SPTBN5: variants seen among roughly 807,000 people sequenced by gnomAD.
SPTBN5 encodes the protein spectrin beta, non-erythrocytic 5.
Under a neutral mutation model 477.6 loss-of-function variants are expected in SPTBN5, and 513 were observed. That is an observed-to-expected ratio of 1.07 (90% CI 1.00 to 1.16). The LOEUF (loss-of-function observed/expected upper bound fraction) is 1.16, where lower values mean the gene tolerates loss of function less well. SPTBN5 is among the 50% of genes most tolerant of loss of function. The pLI is 0.00. For synonymous variants in SPTBN5, 2,169 were observed against 2,011.7 expected (o/e 1.08, Z -2.09); for missense variants, 5,062 against 4,731.8 (o/e 1.07, Z -2.05).
At chr15:41,877,687 G>C (rs942206367) in intron 17 of SPTBN5, among the ~76,000 whole-genome samples, 6 of 152,264 alleles carry the variant, frequency 3.9e-5, no homozygotes, top group African/African-American at 1.4e-4. Flanking sequence ...CAGAAAAGGT[G>C]CTCCTTTCAG....
Position 41,853,393 on chromosome 15 carries a change from G to A in SPTBN5, c.10035C>T (p.Asp3345=), listed in dbSNP as rs376144282. The A allele has an allele frequency of 1.7e-5, 28 of 1,607,258 alleles. No individual in the cohort carries two copies. The highest frequency in any genetic ancestry group is 1.7e-4 in the Middle Eastern group (1 of 6,060). ...CAAGGAGCTGCTCAGCCCCCGCCAC[G>A]TCCTCAGCCAGCTCCTCGGAGGACG... ...ELASSEELAE[D]VAGAEQLLGQ... The change falls in exon 59 of 68, where the codon GAC becomes GAT. Residue 3345 remains aspartate (D), a synonymous_variant. Transcript: ENST00000320955.
In SPTBN5 at chr15:41,876,798, G is replaced by T; in HGVS notation, c.3851+11C>A. On this transcript the variant is annotated intron_variant, in intron 19 of 67. Coordinates refer to ENST00000320955, the MANE Select transcript of SPTBN5 (RefSeq NM_016642.4). ...TCATCTGCAGGTGCTGCAGACTGAG[G>T]CCAGGCTCACGTGTGTGCAGCTGGG... 1 of 1,609,724 alleles carries T rather than the reference G, an allele frequency of 6.2e-7. No homozygotes were observed.
chr15:41,883,144 C>A lies in SPTBN5; in HGVS notation c.1744G>T (p.Val582Phe). The A allele has an allele frequency of 6.2e-7, 1 of 1,612,808 alleles. No individual in the cohort carries two copies. The highest frequency in any genetic ancestry group is 8.5e-7 in the Non-Finnish European group (1 of 1,179,778). ...CTCACATGGGCTCCGTGGGCCGAGA[C>A]TTGAGCCTCCAGCAGGTCATGCCTC... ...LQRHDLLEAQ[V>F]SAHGAHVSHL... The change falls in exon 9 of 68, where the codon GTC becomes TTC. Residue 582 changes from valine to phenylalanine, a missense_variant. Physicochemically the swap from Val to Phe is conservative, Grantham distance 50 (BLOSUM62 -1). Transcript: ENST00000320955.
In SPTBN5 at chr15:41,861,436, C is replaced by T. The variant is rs1276899243; in HGVS notation, c.7798G>A (p.Ala2600Thr). The T allele has an allele frequency of 6.2e-7, 1 of 1,613,352 alleles. No homozygotes were observed. Among genetic ancestry groups the T allele is most frequent in the Admixed American group, 1.7e-5 (1 of 60,012 alleles). ...GCACCTACCCATAGACCCTCACTGGCTAGGGAGTCTTCCTTGCTGCAAAGC... is the reference window on the plus strand; with the variant it reads ...GCACCTACCCATAGACCCTCACTGGTTAGGGAGTCTTCCTTGCTGCAAAGC... ...RWLCSKEDSL[A>T]SEGLWDPLAP... Residue 2600 changes from alanine to threonine, a missense_variant, in exon 46 of 68, where the codon GCC (alanine) becomes ACC (threonine). Physicochemically the swap from Ala to Thr is moderately conservative, Grantham distance 58. Coordinates refer to ENST00000320955, the MANE Select transcript of SPTBN5 (RefSeq NM_016642.4).
intron 66 of SPTBN5, chr15:41,850,526 C>A (rs1462810052): frequency 2.9e-6 from 1 of 344,942 alleles, no homozygotes; most frequent in Non-Finnish European, 5.3e-6. Flanking sequence ...GCCTGGAAAG[C>A]CCTTGGAGGA....
At chr15:41,848,776 G>A (rs953922219) in intron 67 of SPTBN5, 148 bp from the exon 68 acceptor site, 28 of 947,762 alleles carry the variant, frequency 3.0e-5, no homozygotes, top group African/African-American at 1.9e-4. Flanking sequence ...ACTGACAGGC[G>A]CTGCAGCAGC....
chr15:41,850,294 C>T (rs190560815), intron 66 of SPTBN5: 101 of 334,452 alleles, frequency 3.0e-4, no homozygotes, highest in African/African-American at 8.3e-4. Flanking sequence ...GGGGAACCAG[C>T]GACAGAGCTA....
Position 41,854,114 on chromosome 15 carries a change from C to T in SPTBN5, c.9710G>A (p.Gly3237Glu). The T allele has an allele frequency of 6.3e-7, 1 of 1,588,256 alleles. No homozygotes were observed. The highest frequency in any genetic ancestry group is 8.6e-7 in the Non-Finnish European group (1 of 1,168,176). Residue 3237 changes from glycine (G) to glutamate (E), a missense_variant, in exon 57 of 68, where the codon GGG (glycine) becomes GAG (glutamate). Transcript: ENST00000320955. ...RMQEKTALMK[G>E]EDGGHSLSSV... Reference sequence around the variant, plus strand: ...TGACAGGCTGTGGCCTCCGTCCTCCCCCTTCATCAGGGCCGTCTTCTCCTG... The same window carrying T: ...TGACAGGCTGTGGCCTCCGTCCTCCTCCTTCATCAGGGCCGTCTTCTCCTG...
Position 41,857,019 on chromosome 15 carries a change from G to A in SPTBN5, c.8642C>T (p.Pro2881Leu), listed in dbSNP as rs868836962. Residue 2881 changes from proline (P) to leucine (L), a missense_variant, in exon 52 of 68, where the codon CCC becomes CTC. Transcript: ENST00000320955. The part of the protein sequence containing the change: ...LLQRFKSLRE[P>L]LQERRTALEA... ...CAGGGCCGTCCTGCGCTCCTGCAGG[G>A]GCTCCCTCAGGCTCTTGAACCTGCA... 6.2e-7 allele frequency: 1 copy of A among 1,603,574 alleles called. No individual in the cohort carries two copies. Among genetic ancestry groups the A allele is most frequent in the African/African-American group, 1.3e-5 (1 of 74,886 alleles).
rs369415693 is a variant in SPTBN5, at chr15:41,854,764, C to T, written c.9618+18G>A. 136 of 1,483,186 alleles carry T rather than the reference C, an allele frequency of 9.2e-5. No individual in the cohort carries two copies. The highest frequency in any genetic ancestry group is 3.3e-4 in the African/African-American group (23 of 70,302). The allele number at this position is 1,483,186 out of a possible 1,614,324, so 91.9% of individuals were successfully genotyped here. A position where few individuals can be genotyped will look rare whatever the true frequency, so the allele number is the denominator to read the frequency against. On this transcript the variant is annotated intron_variant, in intron 56 of 67. Transcript: ENST00000320955. ...GACTCTGACACCCCTTAGCTTGGCC[C>T]GGCCTGTGATCACCTACCTCTGTGC...
rs183877661 is a variant in SPTBN5 at position 41,859,081 on chromosome 15, G to A, written c.7989-101C>T. On this transcript the variant is annotated intron_variant, in intron 47 of 67. Transcript: ENST00000320955. ...TCGGGTATGAATATACTCTGAGTCT[G>A]GAGTTTCCTTTGGAATAAAGGTACA... The A allele has an allele frequency of 1.5e-3, 1,383 of 905,530 alleles. 5 individuals are homozygous for A. Among genetic ancestry groups the A allele is most frequent in the Non-Finnish European group, 2.0e-3 (1,259 of 636,186 alleles). 56.1% of individuals were successfully genotyped at this position (905,530 alleles called of 1,614,324 possible).
At chr15:41,880,437 G>T in intron 13 of SPTBN5, 125 bp from the exon 14 acceptor site, 1 of 1,054,038 alleles carries the variant, frequency 9.5e-7, no homozygotes. Context: ...GGGCCAGAGG[G>T]GGTCCCTGCC....
In SPTBN5 at chr15:41,868,613, G is replaced by A. The variant is rs1178957833; in HGVS notation, c.5854-12C>T. On this transcript the variant is annotated splice_polypyrimidine_tract_variant and intron_variant, in intron 32 of 67. Coordinates refer to ENST00000320955, the MANE Select transcript of SPTBN5 (RefSeq NM_016642.4). ...GCATAGTCACGCACCTGATCCCGGGGACACGGAGGGAGAGCCGGGTGAGGG... is the reference window on the plus strand; with the variant it reads ...GCATAGTCACGCACCTGATCCCGGGAACACGGAGGGAGAGCCGGGTGAGGG... The A allele has an allele frequency of 6.3e-7, 1 of 1,596,456 alleles. No individual in the cohort carries two copies. The highest frequency in any genetic ancestry group is 8.5e-7 in the Non-Finnish European group (1 of 1,177,648).
At position 41,874,352 on chromosome 15, in the gene SPTBN5, G is replaced by A; in HGVS notation, c.4629C>T (p.Gly1543=). The change falls in exon 24 of 68, where the codon GGC becomes GGT. Residue 1543 remains glycine, a synonymous_variant. Coordinates refer to ENST00000320955, the MANE Select transcript of SPTBN5 (RefSeq NM_016642.4). ...AGCACTCGGTATAGCTGGTGGGGCT[G>A]CCATGGGGCATGTGCTCGGCTACCC... ...LSWVAEHMPH[G]SPTSYTECLN... 3 of 1,613,890 alleles carry A rather than the reference G, an allele frequency of 1.9e-6. No homozygotes were observed. Among genetic ancestry groups the A allele is most frequent in the Non-Finnish European group, 2.5e-6 (3 of 1,179,886 alleles).
At chr15:41,877,089 G>C (rs777104109) in intron 18 of SPTBN5, 27 bp downstream of exon 18, 1 of 1,612,286 alleles carries the variant, frequency 6.2e-7, no homozygotes, top group African/African-American at 1.3e-5. Context: ...GGGAGTGACA[G>C]CCTAGCTCCA....
intron 67 of SPTBN5, 86 bp downstream of exon 67, chr15:41,849,783 C>T (rs1051574155): frequency 1.8e-6 from 2 of 1,083,590 alleles, no homozygotes; most frequent in African/African-American, 1.6e-5. Context: ...GTCTGAGGCC[C>T]AGAACCTCAG....
rs1485249993 is a variant in SPTBN5, at chr15:41,875,578, G to C, written c.4167C>G (p.Asp1389Glu). The C allele has an allele frequency of 9.3e-6, 15 of 1,605,644 alleles. No homozygotes were observed. The South Asian group carries it at 1.7e-4, about 18-fold the overall frequency. ...LLSRRPCGQEDIQTRLQGLRS... is the reference protein window; with the variant it reads ...LLSRRPCGQEEIQTRLQGLRS... Reference sequence around the variant, plus strand: ...TCAGGCCTTGAAGCCTGGTCTGTATGTCCTCCTGGCCACAGGGCCTCCTAC... The same window carrying C: ...TCAGGCCTTGAAGCCTGGTCTGTATCTCCTCCTGGCCACAGGGCCTCCTAC... The change falls in exon 22 of 68, where the codon GAC becomes GAG. Residue 1389 changes from aspartate to glutamate, a missense_variant. Coordinates refer to ENST00000320955, the MANE Select transcript of SPTBN5 (RefSeq NM_016642.4).
chr15:41,879,504 G>A lies in SPTBN5; in HGVS notation c.2943-5C>T. ...AGGGCCTCCAGCTGCCCCCACCTGG[G>A]CAGAGGGTACAAGGTTGTCTCCACA... On this transcript the variant is annotated splice_region_variant and splice_polypyrimidine_tract_variant and intron_variant, in intron 15 of 67. Transcript: ENST00000320955. The A allele has an allele frequency of 1.3e-6, 2 of 1,554,898 alleles. No individual in the cohort carries two copies.
rs2065806813 is a variant in SPTBN5 at position 41,852,708 on chromosome 15, G to A, written c.10375C>T (p.Leu3459=). Residue 3459 remains leucine, a synonymous_variant, in exon 61 of 68, where the codon CTG becomes TTG. Transcript: ENST00000320955. ...GHSVSDVELL[L]HRHQDLEKLL... ...TTTTCTAAGTCCTGGTGTCTGTGCAGCAGCAACTCCACATCTGACACTGAG... is the reference window on the plus strand; with the variant it reads ...TTTTCTAAGTCCTGGTGTCTGTGCAACAGCAACTCCACATCTGACACTGAG... The A allele has an allele frequency of 6.2e-7, 1 of 1,612,986 alleles. No homozygotes were observed. The highest frequency in any genetic ancestry group is 8.5e-7 in the Non-Finnish European group (1 of 1,179,604).
Sources: gnomAD v4.1 joint callset for allele counts (sites outside exome capture counted in the v4.1 genomes callset) on GRCh38, gnomAD v4.1.1 for gene constraint, MANE v1.5 for transcripts, NCBI Gene and HGNC (gene_info 2026-07-23, HGNC 2026-07-21) for gene names.